SORCS3: variants seen among roughly 807,000 people sequenced by gnomAD.
The protein encoded by SORCS3 is sortilin related VPS10 domain containing receptor 3.
Under a neutral mutation model 146.3 loss-of-function variants are expected in SORCS3, and 57 were observed. The ratio of observed to expected loss-of-function variants is 0.39; its 90% CI spans 0.31 to 0.49. The LOEUF (loss-of-function observed/expected upper bound fraction) is 0.49. SORCS3 is among the 20% of genes least tolerant of loss of function. The pLI is 0.92. For missense variants in SORCS3, 1,341 were observed against 1,575.5 expected (o/e 0.85, Z 2.52); for synonymous variants, 653 against 618.5 (o/e 1.06, Z -0.83).
At chr10:104,885,031 C>G (rs1225953213) in intron 2 of SORCS3, among the ~76,000 whole-genome samples, 11 of 152,078 alleles carry the variant, frequency 7.2e-5, no homozygotes, top group Non-Finnish European at 1.5e-5. Flanking sequence ...ACTTTAAATT[C>G]AGTATTTTAA....
At chr10:104,737,803 T>G (rs371323290) in intron 1 of SORCS3, among the ~76,000 whole-genome samples, 63 of 150,722 alleles carry the variant, frequency 4.2e-4, no homozygotes, top group East Asian at 2.9e-3. Flanking sequence ...GTCAATTTTG[T>G]CTTTTGTTGC....
intron 7 of SORCS3, among the ~76,000 whole-genome samples, chr10:105,117,764 C>A (rs924884878): frequency 6.6e-6 from 1 of 152,176 alleles, no homozygotes; most frequent in Non-Finnish European, 1.5e-5. Flanking sequence ...TCTGCCTCTG[C>A]CACTGCATTG....
chr10:104,771,905 T>C (rs2017253891), intron 1 of SORCS3, among the ~76,000 whole-genome samples: 1 of 152,110 alleles, frequency 6.6e-6, no homozygotes, highest in African/African-American at 2.4e-5. Context: ...TAGCCTTGGC[T>C]TCCTCTTGGA....
chr10:104,922,093 A>G (rs1589550437), intron 3 of SORCS3, among the ~76,000 whole-genome samples: 1 of 152,298 alleles, frequency 6.6e-6, no homozygotes, highest in East Asian at 1.9e-4. Context: ...GGTTATGCCA[A>G]TGTCGCTCTC....
intron 4 of SORCS3, among the ~76,000 whole-genome samples, chr10:105,011,095 C>T (rs568317070): frequency 2.0e-5 from 3 of 152,120 alleles, no homozygotes; most frequent in Admixed American, 6.5e-5. Flanking sequence ...TATGAAAAGC[C>T]GGACTGCTGT....
intron 1 of SORCS3, among the ~76,000 whole-genome samples, chr10:104,647,988 G>A (rs1218868158): frequency 6.6e-6 from 1 of 152,224 alleles, no homozygotes; most frequent in East Asian, 1.9e-4. Context: ...TGATAGAGAG[G>A]AGACAAAGAA....
In SORCS3 at chr10:105,200,133, G is replaced by A; in HGVS notation, c.2127+17G>A. The A allele has an allele frequency of 6.3e-7, 1 of 1,593,584 alleles. No individual in the cohort carries two copies. Among genetic ancestry groups the A allele is most frequent in the Non-Finnish European group, 8.6e-7 (1 of 1,162,748 alleles). On this transcript the variant is annotated intron_variant, in intron 15 of 26. Coordinates refer to ENST00000369701, the MANE Select transcript of SORCS3 (RefSeq NM_014978.3). ...CTCAATCAGGTACACACCCCAGGGAGTTGGAGTGCTGGCTTTGAGGAGGAG... is the reference window on the plus strand; with the variant it reads ...CTCAATCAGGTACACACCCCAGGGAATTGGAGTGCTGGCTTTGAGGAGGAG...
chr10:105,227,787 T>C (rs895661033), intron 20 of SORCS3, among the ~76,000 whole-genome samples: 1 of 152,170 alleles, frequency 6.6e-6, no homozygotes, highest in Non-Finnish European at 1.5e-5. Context: ...CCTTTATCAT[T>C]ATATAATGAT....
rs1427962098 is a variant in SORCS3 at position 105,241,223 on chromosome 10, T to C, written c.2869-4319T>C. On this transcript the variant is annotated intron_variant, in intron 20 of 26. Transcript: ENST00000369701. ...CTGAACTCGCAGCAGTGGTGTTCCC[T>C]CTACCTGGCCCACCATGCTTGTGGG... 2.0e-5 allele frequency among the ~76,000 whole-genome samples: 3 copies of C among 152,200 alleles called. No individual in the cohort carries two copies. The East Asian group carries it at 5.8e-4, about 29-fold the overall frequency.
intron 1 of SORCS3, among the ~76,000 whole-genome samples, chr10:104,669,175 A>T (rs2015820507): frequency 6.6e-6 from 1 of 152,206 alleles, no homozygotes; most frequent in South Asian, 2.1e-4. Flanking sequence ...ATGTTTATTG[A>T]TGTATAATAT....
intron 24 of SORCS3, 38 bp from the exon 25 acceptor site, chr10:105,256,781 C>A: frequency 6.7e-7 from 1 of 1,496,336 alleles, no homozygotes; most frequent in Non-Finnish European, 9.3e-7. Flanking sequence ...TCCAAGTGAG[C>A]ATATCTGTTC....
intron 3 of SORCS3, among the ~76,000 whole-genome samples, chr10:104,947,490 G>A (rs964965584): frequency 1.4e-4 from 21 of 152,134 alleles, no homozygotes; most frequent in African/African-American, 5.1e-4. Context: ...ACACGGAGGC[G>A]GGGTCCTTTC....
intron 5 of SORCS3, among the ~76,000 whole-genome samples, chr10:105,068,549 A>G (rs1246863311): frequency 1.3e-5 from 2 of 152,140 alleles, no homozygotes; most frequent in Admixed American, 6.5e-5. Context: ...CTTGTTTCCT[A>G]AAACACCGGC....
chr10:105,058,034 A>T (rs1031181319), intron 5 of SORCS3, among the ~76,000 whole-genome samples: 1 of 152,192 alleles, frequency 6.6e-6, no homozygotes, highest in Admixed American at 6.5e-5. Context: ...CAGCCATGTC[A>T]TATTCCGACA....
At chr10:105,101,936 A>G (rs937735754) in intron 6 of SORCS3, among the ~76,000 whole-genome samples, 3 of 152,190 alleles carry the variant, frequency 2.0e-5, no homozygotes, top group African/African-American at 7.2e-5. Flanking sequence ...CTAAGACTGT[A>G]TGGTTCCAAG....
chr10:104,751,924 C>CATACATAT (rs1554848908), intron 1 of SORCS3, among the ~76,000 whole-genome samples: 8 of 38,454 alleles, frequency 2.1e-4, no homozygotes, highest in Non-Finnish European at 2.6e-4. Context: ...TAATAGGAAG[C>CATACATAT]ATATATATAT....
intron 4 of SORCS3, among the ~76,000 whole-genome samples, chr10:104,978,457 A>G (rs2054914739): frequency 6.6e-6 from 1 of 152,180 alleles, no homozygotes; most frequent in Non-Finnish European, 1.5e-5. Flanking sequence ...TCTCAACTCA[A>G]TGTATTCTAG....
At chr10:104,704,581 A>G (rs2016315653) in intron 1 of SORCS3, among the ~76,000 whole-genome samples, 1 of 152,158 alleles carries the variant, frequency 6.6e-6, no homozygotes, top group African/African-American at 2.4e-5. Context: ...GGGTCAACAA[A>G]TTAGAGGCAG....
chr10:105,198,867 G>A (rs1428148267), intron 14 of SORCS3, among the ~76,000 whole-genome samples: 1 of 152,314 alleles, frequency 6.6e-6, no homozygotes, highest in East Asian at 1.9e-4. Flanking sequence ...AATTGATCCT[G>A]AGATGTATTG....
Sources: allele counts gnomAD v4.1 joint callset (sites outside exome capture counted in the v4.1 genomes callset), GRCh38; gene constraint gnomAD v4.1.1; transcripts MANE v1.5; gene names NCBI Gene and HGNC (gene_info 2026-07-23, HGNC 2026-07-21).